RCC2: variants seen among roughly 807,000 people sequenced by gnomAD.
RCC2 encodes regulator of chromosome condensation 2.
In RCC2, 19 loss-of-function variants were observed where a neutral mutation model predicts 64.1. The ratio of observed to expected loss-of-function variants is 0.30; its 90% confidence interval spans 0.21 to 0.44. RCC2 has a LOEUF of 0.44. Among genes scored for constraint, RCC2 ranks in the 20% least tolerant of loss-of-function variants. The pLI is 1.00. For missense variants in RCC2, 508 were observed against 710.4 expected (o/e 0.72, Z 3.24); for synonymous variants, 325 against 279.6 (o/e 1.16, Z -1.62).
intron 7 of RCC2, among the ~76,000 whole-genome samples, chr1:17,420,279 G>A (rs1479135800): frequency 6.6e-6 from 1 of 152,154 alleles, no homozygotes; most frequent in Non-Finnish European, 1.5e-5. Context: ...CACGGGGAGG[G>A]GGTCCACCAG....
At chr1:17,431,342 A>ATAAAAAGT (rs1433186157) in intron 2 of RCC2, among the ~76,000 whole-genome samples, 1 of 70,054 alleles carries the variant, frequency 1.4e-5, no homozygotes, top group Non-Finnish European at 2.7e-5. Flanking sequence ...TCAAAAAAAA[A>ATAAAAAGT]AAAAAAAAAA....
In RCC2 at chr1:17,413,062, C is replaced by G. The variant is rs1557621319; in HGVS notation, c.1313+11G>C. On this transcript the variant is annotated intron_variant, in intron 10 of 12. Coordinates refer to ENST00000375436, the MANE Select transcript of RCC2 (RefSeq NM_018715.4). ...AGAGACCTCATACCCACAGGAGATG[C>G]TGCCACCTACCCACAAGCCAGGCTC... 6.3e-7 allele frequency: 1 copy of G among 1,597,800 alleles called. No individual in the cohort carries two copies. Among genetic ancestry groups the G allele is most frequent in the Admixed American group, 1.7e-5 (1 of 59,982 alleles).
intron 8 of RCC2, among the ~76,000 whole-genome samples, chr1:17,414,530 A>C (rs1306243921): frequency 1.4e-5 from 2 of 138,192 alleles, no homozygotes; most frequent in East Asian, 4.0e-4. Context: ...ACTCCATCTC[A>C]AAAAAAAAAA....
At chr1:17,421,231 G>A (rs547370772) in intron 6 of RCC2, among the ~76,000 whole-genome samples, 69 of 152,180 alleles carry the variant, frequency 4.5e-4, no homozygotes, top group African/African-American at 1.3e-3. Flanking sequence ...TCTCCTGGGC[G>A]CGGTGGCTCA....
intron 7 of RCC2, among the ~76,000 whole-genome samples, chr1:17,418,245 C>T (rs2075511779): frequency 6.8e-6 from 1 of 147,826 alleles, no homozygotes; most frequent in South Asian, 2.1e-4. Flanking sequence ...GACAGAGTCT[C>T]GCTCTGTCGC....
intron 8 of RCC2, among the ~76,000 whole-genome samples, chr1:17,415,898 GT>G (rs1557623133): frequency 2.0e-5 from 3 of 151,302 alleles, no homozygotes; most frequent in Non-Finnish European, 4.4e-5. Context: ...GAGAAACCCT[GT>G]CTCTACTGAA....
chr1:17,426,482 G>A (rs2075617677), intron 3 of RCC2, among the ~76,000 whole-genome samples: 1 of 152,004 alleles, frequency 6.6e-6, no homozygotes, highest in Non-Finnish European at 1.5e-5. Context: ...GCCCTCCAGG[G>A]CAACATCCAC....
intron 4 of RCC2, among the ~76,000 whole-genome samples, chr1:17,425,271 G>A (rs2075601217): frequency 6.6e-6 from 1 of 152,110 alleles, no homozygotes; most frequent in Non-Finnish European, 1.5e-5. Flanking sequence ...GCTTCGGGCA[G>A]AAGATTCAGG....
chr1:17,423,162 C>A (rs1321895449), intron 4 of RCC2, among the ~76,000 whole-genome samples: 1 of 152,182 alleles, frequency 6.6e-6, no homozygotes, highest in Non-Finnish European at 1.5e-5. Flanking sequence ...CGCAGAAACA[C>A]GCCGTTCCCA....
At position 17,426,759 on chromosome 1, in the gene RCC2, C is replaced by CTTTTTT. The variant is rs146347066; in HGVS notation, c.380-1081_380-1076dup. Among the ~76,000 whole-genome samples, 209 of 109,972 alleles carry CTTTTTT rather than the reference C, an allele frequency of 1.9e-3. 1 individual carries two copies. The highest frequency in any genetic ancestry group is 2.6e-3 in the Non-Finnish European group (140 of 54,810). 72.1% of individuals were successfully genotyped at this position (109,972 alleles called of 152,430 possible). A position where few individuals can be genotyped will look rare whatever the true frequency, so the allele number is the denominator to read the frequency against. On this transcript the variant is annotated intron_variant, in intron 3 of 12. Transcript: ENST00000375436. ...GGGGCAGGGCCAATTTCTTACTTTT[C>CTTTTTT]TTTTTTTTTTTTTTTTTTTTTTTTT...
chr1:17,432,967 A>G (rs2075698210), intron 2 of RCC2, among the ~76,000 whole-genome samples: 1 of 152,066 alleles, frequency 6.6e-6, no homozygotes, highest in African/African-American at 2.4e-5. Context: ...TAAAAAAAGA[A>G]AAAGAAAAAG....
chr1:17,435,596 C>A (rs1204657917), intron 2 of RCC2, among the ~76,000 whole-genome samples: 1 of 152,246 alleles, frequency 6.6e-6, no homozygotes, highest in East Asian at 1.9e-4. Flanking sequence ...TATGGAAAGG[C>A]AATGGGGCTG....
intron 3 of RCC2, among the ~76,000 whole-genome samples, chr1:17,427,531 C>T (rs1053433576): frequency 1.3e-5 from 2 of 152,192 alleles, no homozygotes; most frequent in Non-Finnish European, 2.9e-5. Context: ...AAACAAAACT[C>T]GGAAGGGATA....
chr1:17,420,060 C>A (rs990662667), intron 7 of RCC2, among the ~76,000 whole-genome samples: 2 of 152,208 alleles, frequency 1.3e-5, no homozygotes, highest in African/African-American at 4.8e-5. Context: ...CGGAGGCCTC[C>A]CCAGAGGGGC....
intron 7 of RCC2, 123 bp from the exon 8 acceptor site, chr1:17,416,769 C>A (rs940573173): frequency 1.1e-6 from 1 of 949,052 alleles, no homozygotes; most frequent in South Asian, 1.8e-5. Context: ...GGGCCTTAGA[C>A]CAGCACACGT....
Position 17,407,016 on chromosome 1 carries a change from C to T in RCC2, c.*2074G>A, listed in dbSNP as rs527875441. ...ACCTTTCTCTAGGAGTGCACGACAC[C>T]CTTCCCCCACAACTCCTTGTTTTAA... On this transcript the variant is annotated 3_prime_UTR_variant, in exon 13 of 13. Coordinates refer to ENST00000375436, the MANE Select transcript of RCC2 (RefSeq NM_018715.4). The T allele has an allele frequency of 6.6e-6, 1 of 152,256 alleles. No individual in the cohort carries two copies. Among genetic ancestry groups the T allele is most frequent in the South Asian group, 2.1e-4 (1 of 4,826 alleles). 9.4% of individuals were successfully genotyped at this position (152,256 alleles called of 1,614,324 possible).
At chr1:17,431,360 ATATAT>A (rs1315708030) in intron 2 of RCC2, among the ~76,000 whole-genome samples, 3 of 20,050 alleles carry the variant, frequency 1.5e-4, no homozygotes, top group African/African-American at 4.4e-4. Context: ...AAAAAAAAAA[ATATAT>A]ATATATATAT....
At position 17,408,939 on chromosome 1, in the gene RCC2, T is replaced by G; in HGVS notation, c.*151A>C. On this transcript the variant is annotated 3_prime_UTR_variant, in exon 13 of 13. Transcript: ENST00000375436. The stretch of plus-strand genomic sequence containing the variant: ...AAAAAAGGTAGTTAACGTTGGATCA[T>G]GTGTAAAACGGAACCTCAGGGAGTC... 1 of 653,438 alleles carries G rather than the reference T, an allele frequency of 1.5e-6. No homozygotes were observed. Among genetic ancestry groups the G allele is most frequent in the Non-Finnish European group, 2.8e-6 (1 of 360,780 alleles). The allele number at this position is 653,438 out of a possible 1,614,324, so 40.5% of individuals were successfully genotyped here.
Position 17,425,647 on chromosome 1 carries a change from G to C in RCC2, c.417C>G (p.Pro139=), listed in dbSNP as rs754408182. Residue 139 remains proline, a synonymous_variant, in exon 4 of 13, where the codon CCC becomes CCG. Coordinates refer to ENST00000375436, the MANE Select transcript of RCC2 (RefSeq NM_018715.4). ...YRNLGQNLWG[P]HRYGCLAGVR... ...CCCCCGCCAGGCACCCATATCTGTGGGGCCCCCACAAATTCTGACCGAGAT... is the reference window on the plus strand; with the variant it reads ...CCCCCGCCAGGCACCCATATCTGTGCGGCCCCCACAAATTCTGACCGAGAT... 1.2e-6 allele frequency: 2 copies of C among 1,613,582 alleles called. No individual in the cohort carries two copies. Among genetic ancestry groups the C allele is most frequent in the Non-Finnish European group, 1.7e-6 (2 of 1,179,664 alleles).
Sources: allele counts gnomAD v4.1 joint callset (sites outside exome capture counted in the v4.1 genomes callset), GRCh38; gene constraint gnomAD v4.1.1; transcripts MANE v1.5; gene names NCBI Gene and HGNC (gene_info 2026-07-23, HGNC 2026-07-21).